TYW1B: variants seen among roughly 807,000 people sequenced by gnomAD.
The protein encoded by TYW1B is tRNA-yW synthesizing protein 1 homolog B.
In TYW1B, 73 loss-of-function variants were observed where a neutral mutation model predicts 86.9. The observed-to-expected ratio is 0.84, with a 90% CI of 0.70 to 1.02. The LOEUF is 1.02. TYW1B is among the 50% of genes least tolerant of loss of function. The pLI, the probability that TYW1B is intolerant of heterozygous loss-of-function variation, is 0.00. For synonymous variants in TYW1B, 248 were observed against 292.8 expected, an observed-to-expected ratio of 0.85 and a Z score of 1.56; for missense variants, 637 against 827.4, an observed-to-expected ratio of 0.77 and a Z score of 2.82.
intron 11 of TYW1B, among the ~76,000 whole-genome samples, chr7:72,650,831 G>A (rs1813039547): frequency 6.6e-6 from 1 of 152,120 alleles, no homozygotes; most frequent in Non-Finnish European, 1.5e-5. Flanking sequence ...GGCTTTAGTG[G>A]AAGAAAATTA....
rs782714170 is a variant in TYW1B, at chr7:72,828,120, C to T, written c.-45G>A. ...AGACTAGGATCTCGGACCTGGAGAGCCCAAAGGTTCGCACTGGTACTGCGA... is the reference window on the plus strand; with the variant it reads ...AGACTAGGATCTCGGACCTGGAGAGTCCAAAGGTTCGCACTGGTACTGCGA... On this transcript the variant is annotated 5_prime_UTR_variant, in exon 1 of 14. Coordinates refer to ENST00000620995, the MANE Select transcript of TYW1B (RefSeq NM_001145440.3). The T allele has an allele frequency of 5.0e-6, 8 of 1,612,426 alleles. No homozygotes were observed. The highest frequency in any genetic ancestry group is 1.3e-5 in the African/African-American group (1 of 74,924).
At chr7:72,718,764 A>C (rs1786837154) in intron 9 of TYW1B, among the ~76,000 whole-genome samples, 1 of 152,226 alleles carries the variant, frequency 6.6e-6, no homozygotes, top group South Asian at 2.1e-4. Flanking sequence ...CTTTTCAAAA[A>C]GCATATCATT....
At chr7:72,681,868 A>T (rs1331933897) in intron 11 of TYW1B, among the ~76,000 whole-genome samples, 2 of 151,138 alleles carry the variant, frequency 1.3e-5, no homozygotes, top group Non-Finnish European at 1.5e-5. Context: ...TCCAGAAGTG[A>T]GCCACCGCAC....
At chr7:72,711,468 TA>T (rs1786660583) in intron 10 of TYW1B, among the ~76,000 whole-genome samples, 1 of 138,458 alleles carries the variant, frequency 7.2e-6, no homozygotes, top group Admixed American at 8.0e-5. Context: ...CTCTCCTCTT[TA>T]ATTCTTTTTT....
At chr7:72,638,147 T>C (rs1430673097) in intron 11 of TYW1B, among the ~76,000 whole-genome samples, 16 of 150,558 alleles carry the variant, frequency 1.1e-4, no homozygotes, top group Admixed American at 8.7e-4. Flanking sequence ...ATTCAGAATA[T>C]CCCAAGAGCA....
At position 72,826,891 on chromosome 7, in the gene TYW1B, G is replaced by A; in HGVS notation, c.99C>T (p.Ser33=). 1 of 1,613,672 alleles carries A rather than the reference G, an allele frequency of 6.2e-7. No individual in the cohort carries two copies. Among genetic ancestry groups the A allele is most frequent in the Non-Finnish European group, 8.5e-7 (1 of 1,179,924 alleles). The part of the protein sequence containing the change: ...YIYLGFAVSI[S]LWICVQIVIE... ...TGACAATCTGGACACAAATCCAAAG[G>A]CTAATGCTAACAGCAAAGCCCAGAT... The change falls in exon 2 of 14, where the codon AGC becomes AGT. Residue 33 remains serine, a synonymous_variant. Coordinates refer to ENST00000620995, the MANE Select transcript of TYW1B (RefSeq NM_001145440.3).
In TYW1B at chr7:72,774,842, T is replaced by C. The variant is rs182979921; in HGVS notation, c.964+2574A>G. Among the ~76,000 whole-genome samples, 500 of 152,106 alleles carry C rather than the reference T, an allele frequency of 3.3e-3. 3 individuals are homozygous for C. Among genetic ancestry groups the C allele is most frequent in the African/African-American group, 0.011 (473 of 41,512 alleles). On this transcript the variant is annotated intron_variant, in intron 7 of 13. Transcript: ENST00000620995. Reference sequence around the variant, plus strand: ...CATGCAAACAGACAGGAAAACATGATGAATGAGGGAAAAAAATCCATTGAT... The same window carrying C: ...CATGCAAACAGACAGGAAAACATGACGAATGAGGGAAAAAAATCCATTGAT...
At chr7:72,761,798 G>T (rs1554467222) in intron 7 of TYW1B, among the ~76,000 whole-genome samples, 1 of 151,840 alleles carries the variant, frequency 6.6e-6, no homozygotes, top group Non-Finnish European at 1.5e-5. Context: ...AACTTTGTAT[G>T]AGAAAGAATC....
intron 10 of TYW1B, among the ~76,000 whole-genome samples, chr7:72,699,757 C>G (rs1814414707): frequency 6.6e-6 from 1 of 151,938 alleles, no homozygotes; most frequent in Non-Finnish European, 1.5e-5. Context: ...TCAAGCAATT[C>G]TCCTACCTCA....
At chr7:72,725,531 G>A (rs1554458494) in intron 9 of TYW1B, among the ~76,000 whole-genome samples, 1 of 152,126 alleles carries the variant, frequency 6.6e-6, no homozygotes, top group African/African-American at 2.4e-5. Context: ...GGGTCACGGC[G>A]TCCAGATATT....
chr7:72,682,803 C>A (rs35014206), intron 11 of TYW1B, among the ~76,000 whole-genome samples: 2 of 152,142 alleles, frequency 1.3e-5, no homozygotes, highest in East Asian at 1.9e-4. Flanking sequence ...CAGAGACCAG[C>A]GCCAACACAG....
At chr7:72,694,869 A>G (rs781936661) in intron 10 of TYW1B, 47 bp from the exon 11 acceptor site, 1 of 1,576,256 alleles carries the variant, frequency 6.3e-7, no homozygotes, top group Non-Finnish European at 8.6e-7. Flanking sequence ...TTATTCCTCT[A>G]TCAGGCTTTC....
intron 13 of TYW1B, among the ~76,000 whole-genome samples, chr7:72,608,824 G>C (rs1811861251): frequency 6.6e-6 from 1 of 152,190 alleles, no homozygotes; most frequent in East Asian, 1.9e-4. Flanking sequence ...GTTGCCAGAG[G>C]CTAGGGATAG....
At position 72,657,024 on chromosome 7, in the gene TYW1B, C is replaced by T. The variant is rs138868090; in HGVS notation, c.1507-28027G>A. ...AACAATATCTCCTCCAAAGGAAAAT[C>T]GTAATTCTCCAGTAAAAGATCTCAA... On this transcript the variant is annotated intron_variant, in intron 11 of 13. Transcript: ENST00000620995. Among the ~76,000 whole-genome samples, 515 of 152,184 alleles carry T rather than the reference C, an allele frequency of 3.4e-3. 1 individual carries two copies. Among genetic ancestry groups the T allele is most frequent in the African/African-American group, 0.011 (466 of 41,520 alleles).
chr7:72,600,913 T>G (rs1811650426), intron 13 of TYW1B, among the ~76,000 whole-genome samples: 1 of 151,846 alleles, frequency 6.6e-6, no homozygotes, highest in Admixed American at 6.6e-5. Context: ...TCCCAGCACT[T>G]TGGAGGCTGA....
intron 10 of TYW1B, among the ~76,000 whole-genome samples, chr7:72,710,799 C>T (rs1786638586): frequency 6.6e-6 from 1 of 152,180 alleles, no homozygotes; most frequent in African/African-American, 2.4e-5. Flanking sequence ...CAAAGCTAGA[C>T]TTTGTCTCAA....
intron 10 of TYW1B, among the ~76,000 whole-genome samples, chr7:72,712,967 T>C (rs782772777): frequency 3.3e-5 from 5 of 152,004 alleles, no homozygotes; most frequent in Non-Finnish European, 4.4e-5. Context: ...AACAACAATA[T>C]AGTTTTCAAC....
intron 3 of TYW1B, among the ~76,000 whole-genome samples, chr7:72,815,068 C>CAAAAAAA (rs576240918): frequency 8.2e-5 from 6 of 73,094 alleles, no homozygotes; most frequent in Admixed American, 1.5e-4. Context: ...GACTCCATCT[C>CAAAAAAA]AAAAAAAAAA....
intron 13 of TYW1B, among the ~76,000 whole-genome samples, chr7:72,597,962 G>A (rs1470673112): frequency 2.0e-5 from 3 of 152,106 alleles, no homozygotes; most frequent in Non-Finnish European, 4.4e-5. Flanking sequence ...GGACAGTACA[G>A]AAAGGAAAAA....
Sources: gnomAD v4.1 joint callset for allele counts (sites outside exome capture counted in the v4.1 genomes callset) on GRCh38, gnomAD v4.1.1 for gene constraint, MANE v1.5 for transcripts, NCBI Gene and HGNC (gene_info 2026-07-23, HGNC 2026-07-21) for gene names.